The following LINGO2 variants were observed in gnomAD, a reference collection of about 807,000 sequenced individuals.
LINGO2 encodes the protein leucine rich repeat and Ig domain containing 2, also known as leucine-rich repeat and immunoglobulin-like domain-containing nogo receptor-interacting protein 2.
A neutral mutation model predicts 30.6 loss-of-function variants in LINGO2; 14 were observed. The observed-to-expected ratio is 0.46, with a 90% CI of 0.30 to 0.72. The LOEUF is 0.72. LINGO2 is among the 30% of genes least tolerant of loss of function. The pLI is 0.07. For synonymous variants in LINGO2, 317 were observed against 288.5 expected (o/e 1.10, Z -1.00); for missense variants, 729 against 751.7 (o/e 0.97, Z 0.35).
At chr9:28,583,301 A>G (rs1824355518) in intron 1 of LINGO2, among the ~76,000 whole-genome samples, 1 of 152,004 alleles carries the variant, frequency 6.6e-6, no homozygotes, top group African/African-American at 2.4e-5. Context: ...TCTGATTCCA[A>G]AATTGCAAAT....
intron 4 of LINGO2, among the ~76,000 whole-genome samples, chr9:28,284,026 C>T (rs1823418604): frequency 6.6e-6 from 1 of 152,092 alleles, no homozygotes; most frequent in Admixed American, 6.6e-5. Flanking sequence ...TCAGTTCAAA[C>T]CTCTTGCAAA....
intron 3 of LINGO2, among the ~76,000 whole-genome samples, chr9:28,301,995 A>C (rs1564106957): frequency 6.6e-6 from 1 of 152,196 alleles, no homozygotes; most frequent in Non-Finnish European, 1.5e-5. Flanking sequence ...TCTGTGAAGG[A>C]GAAATAAGAT....
chr9:28,212,596 T>C (rs912026791), intron 4 of LINGO2, among the ~76,000 whole-genome samples: 3 of 151,524 alleles, frequency 2.0e-5, no homozygotes, highest in Non-Finnish European at 4.4e-5. Context: ...ATATACTGAA[T>C]GTTGATTTTA....
intron 4 of LINGO2, among the ~76,000 whole-genome samples, chr9:28,140,521 T>A (rs1291211764): frequency 1.3e-5 from 2 of 152,230 alleles, no homozygotes; most frequent in Non-Finnish European, 2.9e-5. Flanking sequence ...CCAGCCTCAC[T>A]GAACTACTGT....
the LINGO2 span, among the ~76,000 whole-genome samples, chr9:28,799,814 T>A: frequency 6.6e-6 from 1 of 152,122 alleles, no homozygotes; most frequent in Non-Finnish European, 1.5e-5. Flanking sequence ...ATCATACTCA[T>A]CACTTGGTTT....
chr9:28,413,389 G>C (rs1383334805), intron 2 of LINGO2, among the ~76,000 whole-genome samples: 1 of 152,014 alleles, frequency 6.6e-6, no homozygotes, highest in Admixed American at 6.6e-5. Flanking sequence ...TATGCTACCT[G>C]TTCCTCCTTT....
At chr9:28,876,695 G>A in the LINGO2 span, among the ~76,000 whole-genome samples, 5 of 152,098 alleles carry the variant, frequency 3.3e-5, no homozygotes, top group South Asian at 1.0e-3. Context: ...ATTGTGAATA[G>A]TGCCGCAATA....
At chr9:28,218,036 AG>A (rs1820829151) in intron 4 of LINGO2, among the ~76,000 whole-genome samples, 1 of 151,176 alleles carries the variant, frequency 6.6e-6, no homozygotes, top group African/African-American at 2.4e-5. Flanking sequence ...GGAAAGGGAC[AG>A]AGATGAAGAT....
At chr9:28,569,060 T>TA (rs1301370829) in intron 1 of LINGO2, among the ~76,000 whole-genome samples, 1 of 148,422 alleles carries the variant, frequency 6.7e-6, no homozygotes, top group Non-Finnish European at 1.5e-5. Context: ...TATCATCAGG[T>TA]AAATGCAAAT....
At chr9:28,069,193 T>C (rs944094321) in intron 4 of LINGO2, among the ~76,000 whole-genome samples, 3 of 152,108 alleles carry the variant, frequency 2.0e-5, no homozygotes, top group Non-Finnish European at 2.9e-5. Flanking sequence ...AATGAGGATG[T>C]AAGCAAGAAA....
chr9:28,914,252 A>G, the LINGO2 span, among the ~76,000 whole-genome samples: 2 of 152,166 alleles, frequency 1.3e-5, no homozygotes, highest in African/African-American at 4.8e-5. Context: ...ATATAACCAA[A>G]AGGAGGGAGA....
At chr9:28,757,043 C>G in the LINGO2 span, among the ~76,000 whole-genome samples, 1 of 151,982 alleles carries the variant, frequency 6.6e-6, no homozygotes, top group Non-Finnish European at 1.5e-5. Flanking sequence ...GGATATAAAT[C>G]CAATGATGAT....
chr9:28,002,681 C>G lies in LINGO2; in HGVS notation c.-36+9674G>C, dbSNP rs561888221. On this transcript the variant is annotated intron_variant, in intron 5 of 5. Transcript: ENST00000379992. ...TATATGGAGATATTTAAGTACAAGT[C>G]CTTGAATAACGCCATTTCAGTCAAC... is the stretch of plus-strand genomic sequence containing the variant. Among the ~76,000 whole-genome samples the G allele has an allele frequency of 7.2e-5, 11 of 152,186 alleles. 1 individual carries two copies. In the South Asian group the frequency reaches 1.9e-3, roughly 26 times the overall value.
chr9:29,131,014 G>A, the LINGO2 span, among the ~76,000 whole-genome samples: 1 of 152,242 alleles, frequency 6.6e-6, no homozygotes, highest in East Asian at 1.9e-4. Context: ...ATAAGTTAAT[G>A]CCTACCAACT....
chr9:28,121,722 G>C (rs1180688621), intron 4 of LINGO2, among the ~76,000 whole-genome samples: 1 of 152,106 alleles, frequency 6.6e-6, no homozygotes, highest in Non-Finnish European at 1.5e-5. Context: ...TGGAAAGATT[G>C]TTTTACTTAA....
intron 4 of LINGO2, among the ~76,000 whole-genome samples, chr9:28,294,338 T>C (rs991457498): frequency 6.6e-6 from 1 of 152,170 alleles, no homozygotes; most frequent in African/African-American, 2.4e-5. Flanking sequence ...TCTCCATCCA[T>C]TGCTTTCTAA....
the LINGO2 span, among the ~76,000 whole-genome samples, chr9:29,098,187 T>A: frequency 6.6e-6 from 1 of 152,188 alleles, no homozygotes; most frequent in Admixed American, 6.5e-5. Flanking sequence ...TAAACATTTG[T>A]TCATTCACTT....
intron 4 of LINGO2, among the ~76,000 whole-genome samples, chr9:28,028,473 A>G (rs1030308844): frequency 1.3e-5 from 2 of 152,164 alleles, no homozygotes; most frequent in Non-Finnish European, 2.9e-5. Flanking sequence ...ACTTGCTCAT[A>G]TACAAATGTA....
intron 5 of LINGO2, among the ~76,000 whole-genome samples, chr9:27,997,156 G>T (rs1821706791): frequency 6.6e-6 from 1 of 152,070 alleles, no homozygotes; most frequent in Admixed American, 6.5e-5. Context: ...TTTAATCAAA[G>T]CCCAGTACAA....
Sources: gnomAD v4.1 joint callset for allele counts (sites outside exome capture counted in the v4.1 genomes callset) on GRCh38, gnomAD v4.1.1 for gene constraint, MANE v1.5 for transcripts, NCBI Gene and HGNC (gene_info 2026-07-23, HGNC 2026-07-21) for gene names.